The following MTMR8 variants were observed in gnomAD, a reference collection of about 807,000 sequenced individuals.
The protein encoded by MTMR8 is myotubularin related protein 8.
Under a neutral mutation model 39.3 loss-of-function variants are expected in MTMR8, and 65 were observed. The observed-to-expected ratio is 1.65, with a 90% CI of 1.35 to 2.03. MTMR8 has a LOEUF of 2.03. Ranked by LOEUF, MTMR8 falls within the 30% of genes most tolerant of loss-of-function variation. MTMR8 has a pLI of 0.00. For missense variants in MTMR8, 777 were observed against 538.9 expected (o/e 1.44, Z -4.37); for synonymous variants, 245 against 185.2 (o/e 1.32, Z -2.62).
chrX:64,332,963 T>C (rs184627413), intron 10 of MTMR8, among the ~76,000 whole-genome samples: 1 of 111,366 alleles, frequency 9.0e-6, no homozygotes, highest in Admixed American at 9.6e-5. Context: ...TAGATTCCTG[T>C]TGGCTTCTCT....
intron 3 of MTMR8, among the ~76,000 whole-genome samples, chrX:64,355,381 G>A (rs1923595310): frequency 9.0e-6 from 1 of 111,279 alleles, no homozygotes; most frequent in African/African-American, 3.3e-5. Flanking sequence ...ACTTATAAAT[G>A]GCCCCTTCCT....
chrX:64,390,440 T>C lies in MTMR8; in HGVS notation c.24+4900A>G, dbSNP rs190956432. 5.1e-3 allele frequency among the ~76,000 whole-genome samples: 568 copies of C among 111,946 alleles called. 5 individuals are homozygous for C. Among genetic ancestry groups the C allele is most frequent in the Non-Finnish European group, 7.8e-3 (417 of 53,243 alleles). On this transcript the variant is annotated intron_variant, in intron 1 of 13. Coordinates refer to ENST00000374852, the MANE Select transcript of MTMR8 (RefSeq NM_017677.4). ...TCTGTGATAACTCCACAGTTTATTA[T>C]AGTCTGAACAAGCTATGCATACTAA... is the stretch of plus-strand genomic sequence containing the variant.
intron 12 of MTMR8, among the ~76,000 whole-genome samples, chrX:64,286,607 A>G (rs1161567404): frequency 8.9e-6 from 1 of 112,032 alleles, no homozygotes; most frequent in Non-Finnish European, 1.9e-5. Flanking sequence ...CAAAAAGCTT[A>G]TCCACCATGA....
At chrX:64,283,946 C>A (rs1921055125) in intron 12 of MTMR8, among the ~76,000 whole-genome samples, 1 of 112,392 alleles carries the variant, frequency 8.9e-6, no homozygotes, top group African/African-American at 3.2e-5. Context: ...CGCAGCTCCT[C>A]AACAGCAATG....
intron 2 of MTMR8, among the ~76,000 whole-genome samples, chrX:64,357,134 C>G (rs1923646822): frequency 8.9e-6 from 1 of 111,821 alleles, no homozygotes; most frequent in Non-Finnish European, 1.9e-5. Flanking sequence ...TTAATTGATT[C>G]AAAAAGCCAT....
At chrX:64,321,414 G>A (rs1400041653) in intron 12 of MTMR8, among the ~76,000 whole-genome samples, 1 of 111,782 alleles carries the variant, frequency 8.9e-6, no homozygotes, top group Non-Finnish European at 1.9e-5. Flanking sequence ...CAGAAATTTT[G>A]GATATGAAAA....
At chrX:64,334,284 C>T (rs1206633596) in intron 10 of MTMR8, among the ~76,000 whole-genome samples, 1 of 110,156 alleles carries the variant, frequency 9.1e-6, no homozygotes, top group African/African-American at 3.3e-5. Flanking sequence ...ATAAACCCAG[C>T]TACCTCAGGC....
In MTMR8 at chrX:64,268,632, C is replaced by A. The variant is rs776123004; in HGVS notation, c.2020G>T (p.Glu674Ter). ...ATGTCCCCAGAGAAACCCCTGGCCT[C>A]AGAAATACCCAAGTTTCCAGAGATG... ...TGISGNLGIS[E>*]ARGFSGDMGI... The change falls in exon 14 of 14, where the codon GAG (glutamate) becomes TAG (stop). Residue 674 changes from glutamate (E) to a stop codon, truncating the protein, a stop_gained. Coordinates refer to ENST00000374852, the MANE Select transcript of MTMR8 (RefSeq NM_017677.4). LOFTEE classifies it low-confidence loss of function (END_TRUNC). 2 of 1,211,646 alleles carry A rather than the reference C, an allele frequency of 1.7e-6. No individual in the cohort carries two copies. The highest frequency in any genetic ancestry group is 4.3e-5 in the Admixed American group (2 of 46,031).
intron 2 of MTMR8, among the ~76,000 whole-genome samples, chrX:64,357,979 C>A (rs1048290651): frequency 9.0e-6 from 1 of 111,199 alleles, no homozygotes. Flanking sequence ...AATAAGCCTC[C>A]TTTGACATGC....
Position 64,323,450 on chromosome X carries a change from G to A in MTMR8, c.1481+5322C>T, listed in dbSNP as rs772022857. On this transcript the variant is annotated intron_variant, in intron 12 of 13. Transcript: ENST00000374852. Reference sequence around the variant, plus strand: ...TATTATAGATCTAAGGGAATAGACTGCAATAAAATAATATAAGGAGACTTC... The same window carrying A: ...TATTATAGATCTAAGGGAATAGACTACAATAAAATAATATAAGGAGACTTC... 3.6e-5 allele frequency among the ~76,000 whole-genome samples: 4 copies of A among 111,988 alleles called. No homozygotes were observed. In the East Asian group the frequency reaches 1.1e-3, roughly 32 times the overall value.
At chrX:64,371,320 A>C (rs1245599322) in intron 1 of MTMR8, among the ~76,000 whole-genome samples, 1 of 112,530 alleles carries the variant, frequency 8.9e-6, no homozygotes, top group Non-Finnish European at 1.9e-5. Flanking sequence ...GTGATGAGTT[A>C]AATTTCACTA....
At chrX:64,305,395 C>A in intron 12 of MTMR8, 1 of 241,594 alleles carries the variant, frequency 4.1e-6, no homozygotes. Context: ...ATTCTTGGTA[C>A]AATATTGGCA....
intron 12 of MTMR8, among the ~76,000 whole-genome samples, chrX:64,316,471 A>T (rs748512366): frequency 3.6e-5 from 4 of 111,015 alleles, no homozygotes; most frequent in Admixed American, 1.9e-4. Context: ...ATGTGGCAAA[A>T]CCCCAACTCT....
intron 1 of MTMR8, among the ~76,000 whole-genome samples, chrX:64,378,172 A>G (rs1260664879): frequency 8.9e-6 from 1 of 111,950 alleles, no homozygotes; most frequent in Non-Finnish European, 1.9e-5. Context: ...GCAAGAAAAA[A>G]CTAATACACT....
intron 1 of MTMR8, among the ~76,000 whole-genome samples, chrX:64,388,510 G>A (rs948975070): frequency 5.3e-5 from 6 of 112,268 alleles, no homozygotes; most frequent in African/African-American, 1.9e-4. Context: ...GACTAGCCTT[G>A]AACTTATGCC....
At chrX:64,310,755 G>C (rs1922271878) in intron 12 of MTMR8, among the ~76,000 whole-genome samples, 1 of 110,608 alleles carries the variant, frequency 9.0e-6, no homozygotes, top group South Asian at 3.9e-4. Context: ...GCGGTATTTG[G>C]TTTTCTGTTT....
chrX:64,284,484 A>G (rs775865370), intron 12 of MTMR8, among the ~76,000 whole-genome samples: 1 of 111,448 alleles, frequency 9.0e-6, no homozygotes, highest in East Asian at 2.8e-4. Flanking sequence ...CACAACAAAG[A>G]TACTCTTCGA....
chrX:64,309,010 T>C (rs1366507442), intron 12 of MTMR8, among the ~76,000 whole-genome samples: 3 of 112,208 alleles, frequency 2.7e-5, no homozygotes, highest in African/African-American at 9.7e-5. Flanking sequence ...TTAATTATTG[T>C]AGCTTTGCAG....
intron 8 of MTMR8, among the ~76,000 whole-genome samples, chrX:64,341,312 C>G (rs1479404945): frequency 1.8e-5 from 2 of 110,503 alleles, no homozygotes; most frequent in Non-Finnish European, 3.8e-5. Flanking sequence ...AACCCCGTCT[C>G]TGCTAAAAAT....
Sources: gnomAD v4.1 joint callset for allele counts (sites outside exome capture counted in the v4.1 genomes callset) on GRCh38, gnomAD v4.1.1 for gene constraint, MANE v1.5 for transcripts, NCBI Gene and HGNC (gene_info 2026-07-23, HGNC 2026-07-21) for gene names.